The following STAG1 variants were observed in gnomAD, a reference collection of about 807,000 sequenced individuals.
The protein encoded by STAG1 is cohesin subunit SA-1.
Under a neutral mutation model 170.9 loss-of-function variants are expected in STAG1, and 26 were observed. The ratio of observed to expected loss-of-function variants is 0.15; its 90% CI spans 0.11 to 0.21. The LOEUF (loss-of-function observed/expected upper bound fraction) is 0.21, where lower values mean the gene tolerates loss of function less well. STAG1 is among the 10% of genes least tolerant of loss of function. STAG1 has a pLI of 1.00. For missense variants in STAG1, 964 were observed against 1,509.5 expected, an observed-to-expected ratio of 0.64 and a Z score of 5.99; for synonymous variants, 514 against 497.7, an observed-to-expected ratio of 1.03 and a Z score of -0.44.
At chr3:136,366,112 A>G (rs1937065145) in intron 25 of STAG1, among the ~76,000 whole-genome samples, 1 of 152,064 alleles carries the variant, frequency 6.6e-6, no homozygotes, top group Admixed American at 6.6e-5. Flanking sequence ...TCTAGTGAAA[A>G]GAGCTAAGCT....
Position 136,398,832 on chromosome 3 carries a change from G to T in STAG1, c.2197-3C>A. On this transcript the variant is annotated splice_region_variant and splice_polypyrimidine_tract_variant and intron_variant, in intron 21 of 33. Coordinates refer to ENST00000383202, the MANE Select transcript of STAG1 (RefSeq NM_005862.3). The stretch of plus-strand genomic sequence containing the variant: ...CACTGCAGTGCTTGCACGACTATCT[G>T]TATCAAATGAAAAAAAATTTTTTTA... 1 of 1,540,206 alleles carries T rather than the reference G, an allele frequency of 6.5e-7. No individual in the cohort carries two copies. Among genetic ancestry groups the T allele is most frequent in the East Asian group, 2.4e-5 (1 of 41,712 alleles).
In STAG1 at chr3:136,374,892, C is replaced by A. The variant is rs1159672519; in HGVS notation, c.2370+2768G>T. ...TCACTCATTCACTCACTCAGAGCTA[C>A]TTCCATTCTTATGGTAAGTATACCA... On this transcript the variant is annotated intron_variant, in intron 23 of 33. Transcript: ENST00000383202. Among the ~76,000 whole-genome samples, 4 of 152,134 alleles carry A rather than the reference C, an allele frequency of 2.6e-5. No homozygotes were observed. In the East Asian group the frequency reaches 7.7e-4, roughly 29 times the overall value.
chr3:136,665,435 C>T (rs956756420), intron 1 of STAG1, among the ~76,000 whole-genome samples: 8 of 152,022 alleles, frequency 5.3e-5, no homozygotes, highest in Non-Finnish European at 8.8e-5. Flanking sequence ...TAAAATAAGG[C>T]AGTTATCCTA....
intron 5 of STAG1, among the ~76,000 whole-genome samples, chr3:136,556,365 A>C (rs1936615390): frequency 6.6e-6 from 1 of 152,184 alleles, no homozygotes. Context: ...CAGTTGTTCA[A>C]GTAGGAATGG....
intron 23 of STAG1, among the ~76,000 whole-genome samples, chr3:136,372,084 T>C (rs898925047): frequency 3.3e-5 from 5 of 152,150 alleles, no homozygotes; most frequent in African/African-American, 9.7e-5. Context: ...CCCTTGTGAG[T>C]TGGATTCCTA....
At chr3:136,526,105 A>G (rs184659658) in intron 6 of STAG1, among the ~76,000 whole-genome samples, 119 of 152,312 alleles carry the variant, frequency 7.8e-4, no homozygotes, top group Non-Finnish European at 8.1e-4. Flanking sequence ...GTAGATGTCT[A>G]TTAATTCTGC....
chr3:136,461,307 A>G (rs564453090), intron 13 of STAG1, among the ~76,000 whole-genome samples: 84 of 152,344 alleles, frequency 5.5e-4, no homozygotes, highest in Admixed American at 1.8e-3. Flanking sequence ...TATACAACAT[A>G]GTACTAAAAG....
At chr3:136,451,715 A>T (rs969919544) in intron 14 of STAG1, among the ~76,000 whole-genome samples, 1 of 151,978 alleles carries the variant, frequency 6.6e-6, no homozygotes, top group African/African-American at 2.4e-5. Flanking sequence ...GTGAGCCGAG[A>T]TCGCACCACT....
intron 1 of STAG1, among the ~76,000 whole-genome samples, chr3:136,646,186 C>T (rs982798871): frequency 7.9e-5 from 12 of 152,130 alleles, no homozygotes; most frequent in African/African-American, 2.4e-4. Context: ...TGAATGATTA[C>T]CTAAACCACT....
intron 14 of STAG1, among the ~76,000 whole-genome samples, chr3:136,451,712 G>A (rs1000967368): frequency 6.6e-6 from 1 of 151,648 alleles, no homozygotes; most frequent in Non-Finnish European, 1.5e-5. Context: ...GCAGTGAGCC[G>A]AGATCGCACC....
At chr3:136,411,609 C>T (rs1008200954) in intron 21 of STAG1, among the ~76,000 whole-genome samples, 4 of 152,020 alleles carry the variant, frequency 2.6e-5, no homozygotes, top group African/African-American at 9.7e-5. Flanking sequence ...CATAAGCAGA[C>T]CCTGAAACAT....
chr3:136,692,313 CAAAAAAAAAA>C lies in STAG1; in HGVS notation c.-84+59872_-84+59881del, dbSNP rs71157399. Among the ~76,000 whole-genome samples the C allele has an allele frequency of 8.7e-4, 40 of 46,226 alleles. No homozygotes were observed. The East Asian group carries it at 0.03, about 34-fold the overall frequency. The allele number at this position is 46,226 out of a possible 152,430, so 30.3% of individuals were successfully genotyped here. On this transcript the variant is annotated intron_variant, in intron 1 of 33. Transcript: ENST00000383202. Reference sequence around the variant, plus strand: ...TGGGTGACTAAGCAAGACTCCATCTCAAAAAAAAAAAAAAAAAAAAAAAAAAGTCAATTGC... The same window carrying C: ...TGGGTGACTAAGCAAGACTCCATCTCAAAAAAAAAAAAAAAAGTCAATTGC...
At chr3:136,379,506 C>T (rs1295903533) in intron 22 of STAG1, among the ~76,000 whole-genome samples, 5 of 152,088 alleles carry the variant, frequency 3.3e-5, no homozygotes, top group African/African-American at 9.7e-5. Context: ...GTCAGGAGTT[C>T]GAGACCAGCC....
chr3:136,538,633 G>C (rs1935755149), intron 6 of STAG1, among the ~76,000 whole-genome samples: 1 of 152,052 alleles, frequency 6.6e-6, no homozygotes, highest in Non-Finnish European at 1.5e-5. Context: ...TGGCCTGGCT[G>C]TTCTGTGAAC....
intron 16 of STAG1, among the ~76,000 whole-genome samples, chr3:136,431,978 A>T (rs1479144400): frequency 2.6e-5 from 4 of 152,028 alleles, no homozygotes; most frequent in Non-Finnish European, 5.9e-5. Flanking sequence ...TTCAGTGATT[A>T]TTTCTTCAAA....
intron 1 of STAG1, among the ~76,000 whole-genome samples, chr3:136,655,629 G>A (rs981175005): frequency 3.3e-5 from 5 of 152,160 alleles, no homozygotes; most frequent in East Asian, 3.9e-4. Context: ...CAGACATGGC[G>A]GCGCATGCCG....
At chr3:136,702,434 T>A (rs941291347) in intron 1 of STAG1, among the ~76,000 whole-genome samples, 4 of 152,198 alleles carry the variant, frequency 2.6e-5, no homozygotes, top group Non-Finnish European at 4.4e-5. Flanking sequence ...TTACCCAGGC[T>A]GGAGTGCAAT....
intron 4 of STAG1, among the ~76,000 whole-genome samples, chr3:136,576,023 T>TA (rs1156344621): frequency 1.2e-4 from 19 of 152,188 alleles, no homozygotes; most frequent in African/African-American, 4.3e-4. Context: ...TCCTCCCACT[T>TA]AGAGAAAATA....
chr3:136,523,833 A>ATATGAACTTTAAAGTAGTTTTTT (rs1934831482), intron 6 of STAG1, among the ~76,000 whole-genome samples: 1 of 152,116 alleles, frequency 6.6e-6, no homozygotes, highest in Admixed American at 6.6e-5. Context: ...TTTTCCCAGC[A>ATATGAACTTTAAAGTAGTTTTTT]CCATTCATTA....
Sources: allele counts gnomAD v4.1 joint callset (sites outside exome capture counted in the v4.1 genomes callset), GRCh38; gene constraint gnomAD v4.1.1; transcripts MANE v1.5; gene names NCBI Gene and HGNC (gene_info 2026-07-23, HGNC 2026-07-21).